The following VWF variants were observed in gnomAD, a reference collection of about 807,000 sequenced individuals.
VWF encodes von Willebrand factor.
A neutral mutation model predicts 308.6 loss-of-function variants in VWF; 176 were observed. The observed-to-expected ratio is 0.57, with a 90% CI of 0.50 to 0.65. VWF has a LOEUF of 0.65. Ranked by LOEUF, VWF falls within the 30% of genes least tolerant of loss-of-function variation. VWF has a pLI of 0.00. For missense variants in VWF, 3,146 were observed against 3,648.2 expected (o/e 0.86, Z 3.55); for synonymous variants, 1,385 against 1,443.4 (o/e 0.96, Z 0.92).
At position 6,019,235 on chromosome 12, in the gene VWF, G is replaced by C; in HGVS notation, c.4183C>G (p.Arg1395Gly). ...CCCTGGACGTAGCGGACAAAGTTCCGGGACATCCGTTGGGGCTCCTGGCTG... is the reference window on the plus strand; with the variant it reads ...CCCTGGACGTAGCGGACAAAGTTCCCGGACATCCGTTGGGGCTCCTGGCTG... ...MASQEPQRMS[R>G]NFVRYVQGLK... The change falls in exon 28 of 52, where the codon CGG (arginine) becomes GGG (glycine). Residue 1395 changes from arginine (R) to glycine (G), a missense_variant. By Grantham distance (125) the Arg-to-Gly change is moderately radical. Around this residue, in one of 3 missense-constraint regions of VWF, gnomAD observed 853 missense variants for 1,177.8 expected, o/e 0.72. Coordinates refer to ENST00000261405, the MANE Select transcript of VWF (RefSeq NM_000552.5). This position sits in a 1 kb window ranked among gnomAD's most constrained non-coding sequence, Gnocchi z 5.8. 6.2e-7 allele frequency: 1 copy of C among 1,613,902 alleles called. No individual in the cohort carries two copies. The highest frequency in any genetic ancestry group is 8.5e-7 in the Non-Finnish European group (1 of 1,179,852).
chr12:6,030,682 T>C (rs1384774378), intron 21 of VWF, among the ~76,000 whole-genome samples: 3 of 152,194 alleles, frequency 2.0e-5, no homozygotes, highest in African/African-American at 7.2e-5. Flanking sequence ...TTATGAGAAC[T>C]ACTTTTTAAG....
At chr12:6,065,457 T>C (rs978438092) in intron 10 of VWF, among the ~76,000 whole-genome samples, 184 bp from the exon 11 acceptor site, 2 of 152,218 alleles carry the variant, frequency 1.3e-5, no homozygotes, top group African/African-American at 4.8e-5. Flanking sequence ...AACTGCAAGA[T>C]GTCAGAGCTG....
chr12:6,109,734 T>C (rs1945284595), intron 5 of VWF, among the ~76,000 whole-genome samples: 1 of 152,156 alleles, frequency 6.6e-6, no homozygotes, highest in Non-Finnish European at 1.5e-5. Flanking sequence ...CACTGCAAGT[T>C]CTCCCTCCCG....
At chr12:5,971,522 GA>G in intron 44 of VWF, 76 bp downstream of exon 44, 2 of 1,214,524 alleles carry the variant, frequency 1.6e-6, no homozygotes, top group Non-Finnish European at 2.4e-6. Context: ...CAGGGAATGA[GA>G]TGAAACCAAG....
In VWF at chr12:6,046,660, T is replaced by C; in HGVS notation, c.2281+63A>G. ...GGTGTCACCCAGCTCTCTCCCGCCATTCCACACGTGAGGAATCTGGGCAGG... is the reference window on the plus strand; with the variant it reads ...GGTGTCACCCAGCTCTCTCCCGCCACTCCACACGTGAGGAATCTGGGCAGG... On this transcript the variant is annotated intron_variant, in intron 17 of 51. Transcript: ENST00000261405. The surrounding 1 kb of genome is among the most constrained non-coding windows in gnomAD (Gnocchi z 5.0). The C allele has an allele frequency of 6.6e-7, 1 of 1,504,150 alleles. No individual in the cohort carries two copies. Among genetic ancestry groups the C allele is most frequent in the Non-Finnish European group, 9.3e-7 (1 of 1,080,420 alleles). 93.2% of individuals were successfully genotyped at this position (1,504,150 alleles called of 1,614,324 possible). A position where few individuals can be genotyped will look rare whatever the true frequency, so the allele number is the denominator to read the frequency against.
In VWF at chr12:6,061,699, A is replaced by C. The variant is rs531363711; in HGVS notation, c.1533+1255T>G. 5.6e-4 allele frequency among the ~76,000 whole-genome samples: 86 copies of C among 152,292 alleles called. 1 individual carries two copies. Among genetic ancestry groups the C allele is most frequent in the Non-Finnish European group, 2.5e-4 (17 of 68,026 alleles). On this transcript the variant is annotated intron_variant, in intron 13 of 51. Coordinates refer to ENST00000261405, the MANE Select transcript of VWF (RefSeq NM_000552.5). The stretch of plus-strand genomic sequence containing the variant: ...GGCATAATCTAGCGCAGTGGTTCTC[A>C]AAGTGTGGTCTTGAGACCCATAGGG...
chr12:5,964,133 C>T (rs1162575335), intron 47 of VWF, among the ~76,000 whole-genome samples: 4 of 151,864 alleles, frequency 2.6e-5, no homozygotes, highest in Non-Finnish European at 5.9e-5. Flanking sequence ...AGGAGAATGG[C>T]GTGAACCTGG....
intron 6 of VWF, among the ~76,000 whole-genome samples, chr12:6,087,517 C>T (rs987945764): frequency 7.0e-6 from 1 of 143,066 alleles, no homozygotes; most frequent in African/African-American, 2.7e-5. Context: ...CGCCACCACG[C>T]CCGGCTAATT....
In VWF at chr12:5,993,893, G is replaced by C. The variant is rs745348747; in HGVS notation, c.6567C>G (p.Val2189=). 2.5e-6 allele frequency: 4 copies of C among 1,613,740 alleles called. No individual in the cohort carries two copies. The Admixed American group carries it at 6.7e-5, about 27-fold the overall frequency. The change falls in exon 37 of 52, where the codon GTC becomes GTG. Residue 2189 remains valine, a synonymous_variant. Transcript: ENST00000261405. ...AATCAGGTGTCCTCCAGTCAACGCAGACCCCGTTGGTCCGACAGAGGTGGG... is the reference window on the plus strand; with the variant it reads ...AATCAGGTGTCCTCCAGTCAACGCACACCCCGTTGGTCCGACAGAGGTGGG... ...SYAHLCRTNG[V]CVDWRTPDFC...
intron 44 of VWF, among the ~76,000 whole-genome samples, chr12:5,969,912 C>T (rs1471469150): frequency 1.3e-5 from 2 of 152,124 alleles, no homozygotes; most frequent in African/African-American, 2.4e-5. Context: ...GCTGAAAGGG[C>T]CCAAGACCAT....
At chr12:6,041,436 AT>A (rs199913624) in intron 18 of VWF, among the ~76,000 whole-genome samples, 7 of 149,938 alleles carry the variant, frequency 4.7e-5, no homozygotes, top group African/African-American at 9.9e-5. Flanking sequence ...TCTCAAAAAA[AT>A]TTTTAAAAAA....
chr12:5,976,491 G>A (rs983661679), intron 42 of VWF, among the ~76,000 whole-genome samples: 4 of 151,994 alleles, frequency 2.6e-5, no homozygotes, highest in South Asian at 2.1e-4. Context: ...GTGGCCCCTC[G>A]TGAGGCCTTC....
intron 37 of VWF, among the ~76,000 whole-genome samples, chr12:5,993,144 A>G (rs1234246664): frequency 6.6e-6 from 1 of 152,164 alleles, no homozygotes; most frequent in African/African-American, 2.4e-5. Flanking sequence ...AGGCTCTAAC[A>G]GGCATGTACA....
chr12:5,986,140 T>G (rs562822043), intron 38 of VWF, among the ~76,000 whole-genome samples: 3 of 152,162 alleles, frequency 2.0e-5, no homozygotes, highest in African/African-American at 7.2e-5. Context: ...CTGAGTGCAG[T>G]TCTCTGATTT....
chr12:6,012,705 T>TA (rs1565828886), intron 32 of VWF, among the ~76,000 whole-genome samples: 4,271 of 113,060 alleles, frequency 0.038, 156 homozygotes, highest in African/African-American at 0.13. Context: ...GTGTGTGTAT[T>TA]TTTTTTTTTT....
intron 41 of VWF, 49 bp downstream of exon 41, chr12:5,983,101 A>G: frequency 6.4e-7 from 1 of 1,555,126 alleles, no homozygotes; most frequent in South Asian, 1.1e-5. Flanking sequence ...CCTCCCTCAC[A>G]CCAGCAGAGA....
chr12:5,949,992 C>T, intron 50 of VWF, 109 bp from the exon 51 acceptor site: 1 of 934,464 alleles, frequency 1.1e-6, no homozygotes, highest in Non-Finnish European at 1.7e-6. Context: ...TCACAGTAAC[C>T]AAATAAAGCC....
In VWF at chr12:6,046,631, T is replaced by G; in HGVS notation, c.2281+92A>C. On this transcript the variant is annotated intron_variant, in intron 17 of 51. Coordinates refer to ENST00000261405, the MANE Select transcript of VWF (RefSeq NM_000552.5). This position sits in a 1 kb window ranked among gnomAD's most constrained non-coding sequence, Gnocchi z 5.0. ...CCATGCCTGGGTGCACACGCACATC[T>G]GACGGTGTCACCCAGCTCTCTCCCG... 1 of 1,274,330 alleles carries G rather than the reference T, an allele frequency of 7.8e-7. No homozygotes were observed. 78.9% of individuals were successfully genotyped at this position (1,274,330 alleles called of 1,614,324 possible).
intron 34 of VWF, among the ~76,000 whole-genome samples, chr12:5,999,380 C>T (rs1001920330): frequency 2.6e-5 from 4 of 151,742 alleles, no homozygotes. Flanking sequence ...TGACTGGAGA[C>T]ATAAAAATAA....
Sources: allele counts gnomAD v4.1 joint callset (sites outside exome capture counted in the v4.1 genomes callset), GRCh38; gene constraint gnomAD v4.1.1; regional missense constraint gnomAD v4.1.1; non-coding constraint Gnocchi (gnomAD v3.1); transcripts MANE v1.5; gene names NCBI Gene and HGNC (gene_info 2026-07-23, HGNC 2026-07-21).